Variants in LDLRAD4 observed in about 807,000 individuals in gnomAD.
The protein encoded by LDLRAD4 is low density lipoprotein receptor class A domain containing 4, also known as low-density lipoprotein receptor class A domain-containing protein 4.
LDLRAD4 carries 5 observed loss-of-function variants against 17.0 expected under a neutral mutation model. The ratio of observed to expected loss-of-function variants is 0.29; its 90% CI spans 0.15 to 0.62. The LOEUF (loss-of-function observed/expected upper bound fraction) is 0.62, where lower values mean the gene tolerates loss of function less well. Ranked by LOEUF, LDLRAD4 falls within the 20% of genes least tolerant of loss-of-function variation. The pLI is 0.84. For synonymous variants in LDLRAD4, 168 were observed against 171.8 expected (o/e 0.98, Z 0.17); for missense variants, 340 against 424.7 (o/e 0.80, Z 1.75).
chr18:13,496,655 A>G (rs922872481), intron 3 of LDLRAD4, among the ~76,000 whole-genome samples: 2 of 152,218 alleles, frequency 1.3e-5, no homozygotes, highest in African/African-American at 4.8e-5. Flanking sequence ...GGAGGACACC[A>G]CAGAAATCTG....
At chr18:13,572,186 A>G (rs956433713) in intron 3 of LDLRAD4, among the ~76,000 whole-genome samples, 1 of 152,230 alleles carries the variant, frequency 6.6e-6, no homozygotes, top group Admixed American at 6.5e-5. Flanking sequence ...ACATGAACCT[A>G]TCGGCAGCCT....
intron 3 of LDLRAD4, among the ~76,000 whole-genome samples, chr18:13,568,664 G>A (rs1018310246): frequency 6.6e-6 from 1 of 152,198 alleles, no homozygotes; most frequent in Non-Finnish European, 1.5e-5. Context: ...GGAAGAAAGG[G>A]AAGGCAGAAT....
At chr18:13,222,581 G>T (rs1057444111) in intron 1 of LDLRAD4, among the ~76,000 whole-genome samples, 1 of 152,222 alleles carries the variant, frequency 6.6e-6, no homozygotes, top group Non-Finnish European at 1.5e-5. Context: ...GGCCGGCTGG[G>T]CGCCGCTCAT....
intron 1 of LDLRAD4, among the ~76,000 whole-genome samples, chr18:13,219,370 T>G (rs2041322156): frequency 6.6e-6 from 1 of 152,208 alleles, no homozygotes; most frequent in African/African-American, 2.4e-5. Context: ...TTAGCTAGAA[T>G]TAGATAATTT....
At chr18:13,617,494 A>G (rs2040202699) in intron 3 of LDLRAD4, among the ~76,000 whole-genome samples, 1 of 152,218 alleles carries the variant, frequency 6.6e-6, no homozygotes, top group Admixed American at 6.5e-5. Flanking sequence ...ATCAAACAGG[A>G]TGTTTAGAGG....
intron 3 of LDLRAD4, among the ~76,000 whole-genome samples, chr18:13,555,345 TG>T (rs528099012): frequency 2.0e-5 from 3 of 152,338 alleles, no homozygotes; most frequent in African/African-American, 7.2e-5. Context: ...CTGCAGTAGT[TG>T]GGGATACATT....
intron 3 of LDLRAD4, among the ~76,000 whole-genome samples, chr18:13,450,106 C>T (rs1039098360): frequency 3.9e-5 from 6 of 152,124 alleles, no homozygotes; most frequent in Admixed American, 3.9e-4. Flanking sequence ...GAGGGGTTGG[C>T]ATGAACCCAG....
chr18:13,579,392 G>A (rs1287484674), intron 3 of LDLRAD4, among the ~76,000 whole-genome samples: 2 of 152,208 alleles, frequency 1.3e-5, no homozygotes, highest in African/African-American at 4.8e-5. Context: ...CATGGAAAAT[G>A]TGTAAGTGGG....
At position 13,635,931 on chromosome 18, in the gene LDLRAD4, C is replaced by CTGTGTGTGTG. The variant is rs60695092; in HGVS notation, c.337-7399_337-7390dup. Among the ~76,000 whole-genome samples the CTGTGTGTGTG allele has an allele frequency of 7.3e-3, 1,075 of 147,428 alleles. 23 individuals are homozygous for CTGTGTGTGTG. The highest frequency in any genetic ancestry group is 0.022 in the African/African-American group (873 of 39,122). Reference sequence around the variant, plus strand: ...GTACGCAGCAGAGAAGACAGCTATGCTGTGTGTGTGTGTGTGTGTGTGTGT... The same window carrying CTGTGTGTGTG: ...GTACGCAGCAGAGAAGACAGCTATGCTGTGTGTGTGTGTGTGTGTGTGTGTGTGTGTGTGT... On this transcript the variant is annotated intron_variant, in intron 4 of 5. Transcript: ENST00000359446.
intron 1 of LDLRAD4, among the ~76,000 whole-genome samples, chr18:13,245,054 G>A (rs890613096): frequency 2.0e-5 from 3 of 152,146 alleles, no homozygotes; most frequent in African/African-American, 4.8e-5. Context: ...ATGGTCGACT[G>A]CACCCTCTGT....
At chr18:13,227,681 C>T (rs1461113208) in intron 1 of LDLRAD4, among the ~76,000 whole-genome samples, 6 of 152,118 alleles carry the variant, frequency 3.9e-5, no homozygotes, top group African/African-American at 9.7e-5. Context: ...ACAGTCATGG[C>T]GGAAGTGGAA....
rs1005948717 is a variant in LDLRAD4, at chr18:13,607,019, A to G, written c.182-14098A>G. On this transcript the variant is annotated intron_variant, in intron 3 of 5. Coordinates refer to ENST00000359446, the Ensembl canonical transcript of LDLRAD4. ...CCCCAAAAAATCGGGTAATCAGGCT[A>G]AAAAAATCAAAGTAAGTCATCATCA... Among the ~76,000 whole-genome samples the G allele has an allele frequency of 7.2e-4, 109 of 152,320 alleles. 1 individual carries two copies. Among genetic ancestry groups the G allele is most frequent in the Middle Eastern group, 3.4e-3 (1 of 294 alleles).
chr18:13,301,938 C>T (rs71353262), intron 1 of LDLRAD4, among the ~76,000 whole-genome samples: 2 of 152,126 alleles, frequency 1.3e-5, no homozygotes, highest in Non-Finnish European at 2.9e-5. Context: ...CTCTCCTGAC[C>T]GCCTACCAAG....
chr18:13,609,127 A>G (rs1220704494), intron 3 of LDLRAD4, among the ~76,000 whole-genome samples: 1 of 152,212 alleles, frequency 6.6e-6, no homozygotes, highest in Non-Finnish European at 1.5e-5. Context: ...AAATGTTTTT[A>G]CACTTTCATA....
At position 13,440,160 on chromosome 18, in the gene LDLRAD4, C is replaced by T. The variant is rs1374779805; in HGVS notation, c.181+1776C>T. The stretch of plus-strand genomic sequence containing the variant: ...GACTGGGTTCAGAGTTCTGGAGCCC[C>T]GGCCTCTGCTCTGGGGCGCTCCACA... On this transcript the variant is annotated intron_variant, in intron 3 of 5. Transcript: ENST00000359446. This position sits in a 1 kb window ranked among gnomAD's most constrained non-coding sequence, Gnocchi z 4.4. Among the ~76,000 whole-genome samples the T allele has an allele frequency of 2.0e-5, 3 of 152,134 alleles. No individual in the cohort carries two copies. Among genetic ancestry groups the T allele is most frequent in the African/African-American group, 4.8e-5 (2 of 41,418 alleles).
chr18:13,449,945 A>T (rs1157916936), intron 3 of LDLRAD4, among the ~76,000 whole-genome samples: 3 of 152,030 alleles, frequency 2.0e-5, no homozygotes, highest in Non-Finnish European at 4.4e-5. Context: ...AAAATGATGG[A>T]CCTTCCATCA....
chr18:13,303,211 C>T (rs1339132502), intron 1 of LDLRAD4, among the ~76,000 whole-genome samples: 3 of 152,160 alleles, frequency 2.0e-5, no homozygotes, highest in African/African-American at 4.8e-5. Context: ...TCGTCAGATC[C>T]GTTGAGGGGG....
chr18:13,337,820 C>T (rs1477039563), intron 1 of LDLRAD4, among the ~76,000 whole-genome samples: 2 of 151,634 alleles, frequency 1.3e-5, no homozygotes, highest in Admixed American at 1.3e-4. Flanking sequence ...ACGATTGTGC[C>T]ACTGCTCTCC....
intron 1 of LDLRAD4, among the ~76,000 whole-genome samples, chr18:13,381,557 C>T (rs1041141945): frequency 1.3e-5 from 2 of 152,204 alleles, no homozygotes; most frequent in African/African-American, 4.8e-5. Context: ...TCTCTGCCTA[C>T]GGCTGGCTGC....
Sources: gnomAD v4.1 joint callset for allele counts (sites outside exome capture counted in the v4.1 genomes callset) on GRCh38, gnomAD v4.1.1 for gene constraint, Gnocchi (gnomAD v3.1) non-coding constraint, MANE v1.5 for transcripts, NCBI Gene and HGNC (gene_info 2026-07-23, HGNC 2026-07-21) for gene names.